The following NSD1 variants were observed in gnomAD, a reference collection of about 807,000 sequenced individuals.
NSD1 encodes histone-lysine N-methyltransferase, H3 lysine-36 specific.
In NSD1, 26 loss-of-function variants were observed where a neutral mutation model predicts 242.7. The ratio of observed to expected loss-of-function variants is 0.11; its 90% confidence interval spans 0.08 to 0.15. The LOEUF is 0.15. NSD1 is among the 10% of genes least tolerant of loss of function. The probability of loss-of-function intolerance (pLI) is 1.00; values close to 1 mark genes in which losing one functional copy is unlikely to be tolerated. For missense variants in NSD1, 2,495 were observed against 3,272.8 expected, an observed-to-expected ratio of 0.76 and a Z score of 5.80; for synonymous variants, 1,106 against 1,178.1, an observed-to-expected ratio of 0.94 and a Z score of 1.25.
intron 14 of NSD1, chr5:177,265,490 A>AGG (rs1757348012): frequency 1.6e-6 from 1 of 636,066 alleles, no homozygotes; most frequent in Non-Finnish European, 2.8e-6. Context: ...GGAGGGAGGG[A>AGG]GAGAGAGAGG....
intron 8 of NSD1, among the ~76,000 whole-genome samples, chr5:177,242,085 ATG>A (rs143218417): frequency 2.0e-5 from 3 of 150,844 alleles, no homozygotes; most frequent in Non-Finnish European, 3.0e-5. Flanking sequence ...GTGTGTGTGC[ATG>A]TGTGTGTGTG....
chr5:177,135,688 T>C lies in NSD1; in HGVS notation c.585T>C (p.Tyr195=). 1.9e-6 allele frequency: 3 copies of C among 1,614,208 alleles called. No homozygotes were observed. The highest frequency in any genetic ancestry group is 8.5e-7 in the Non-Finnish European group (1 of 1,180,042). Residue 195 remains tyrosine, a synonymous_variant, in exon 2 of 23, where the codon TAT becomes TAC. Coordinates refer to ENST00000439151, the MANE Select transcript of NSD1 (RefSeq NM_022455.5). ...CTCAGACCAATGCCACCTGCAATTA[T>C]GAGACTAAATCAGAGAATGGTGTAA... is the stretch of plus-strand genomic sequence containing the variant. The part of the protein sequence containing the change: ...EETQTNATCN[Y]ETKSENGVKV...
intron 2 of NSD1, among the ~76,000 whole-genome samples, chr5:177,177,976 C>A (rs1329004028): frequency 3.3e-5 from 5 of 152,160 alleles, no homozygotes; most frequent in Non-Finnish European, 7.3e-5. Context: ...CTCACTGCAA[C>A]CTCCACCTTC....
At chr5:177,266,964 A>T (rs201989649) in intron 14 of NSD1, among the ~76,000 whole-genome samples, 2 of 152,182 alleles carry the variant, frequency 1.3e-5, no homozygotes, top group East Asian at 3.8e-4. Flanking sequence ...TCCCAGGTTC[A>T]AGCAATTCTC....
chr5:177,289,858 C>T (rs554487290), intron 21 of NSD1, among the ~76,000 whole-genome samples: 18 of 148,500 alleles, frequency 1.2e-4, no homozygotes, highest in African/African-American at 2.0e-4. Context: ...GGTGGAGTCT[C>T]GCTCTGTTGC....
Position 177,298,627 on chromosome 5 carries a change from T to C in NSD1, c.*3168T>C, listed in dbSNP as rs541130386. ...ACCAAATCTTTAGCATTGATGAAAA[T>C]AGTTATTTTATTCTTTACATCCTTC... On this transcript the variant is annotated 3_prime_UTR_variant, in exon 23 of 23. Coordinates refer to ENST00000439151, the MANE Select transcript of NSD1 (RefSeq NM_022455.5). 1 of 233,228 alleles carries C rather than the reference T, an allele frequency of 4.3e-6. No homozygotes were observed. Among genetic ancestry groups the C allele is most frequent in the East Asian group, 6.0e-5 (1 of 16,594 alleles). 14.4% of individuals were successfully genotyped at this position (233,228 alleles called of 1,614,324 possible). A position where few individuals can be genotyped will look rare whatever the true frequency, so the allele number is the denominator to read the frequency against.
chr5:177,167,127 A>G (rs1315636231), intron 2 of NSD1, among the ~76,000 whole-genome samples: 2 of 152,170 alleles, frequency 1.3e-5, no homozygotes, highest in Admixed American at 1.3e-4. Context: ...TCTCAGTACC[A>G]TGTGTTGAAG....
chr5:177,233,000 G>A (rs1765172582), intron 5 of NSD1, among the ~76,000 whole-genome samples: 1 of 152,204 alleles, frequency 6.6e-6, no homozygotes, highest in Non-Finnish European at 1.5e-5. Context: ...AATTAAGCAG[G>A]CATGTGTAAG....
rs763697978 is a variant in NSD1, at chr5:177,248,303, A to C, written c.4620A>C (p.Ala1540=). 6.2e-7 allele frequency: 1 copy of C among 1,613,792 alleles called. No homozygotes were observed. The highest frequency in any genetic ancestry group is 1.1e-5 in the South Asian group (1 of 91,012). The change falls in exon 11 of 23, where the codon GCA becomes GCC. Residue 1540 remains alanine, a synonymous_variant. Transcript: ENST00000439151. ...KMQGERGGGA[A]LKENVCQNCE... ...AGGGTGAACGCGGTGGAGGAGCTGC[A>C]CTCAAGGAGAATGTCTGTCAGGTAG...
At chr5:177,190,579 T>C (rs1387281034) in intron 2 of NSD1, among the ~76,000 whole-genome samples, 1 of 152,146 alleles carries the variant, frequency 6.6e-6, no homozygotes, top group African/African-American at 2.4e-5. Flanking sequence ...TGTGAGCCAC[T>C]GTGCCTGGCC....
chr5:177,145,262 GCATGTAA>G (rs1045829538), intron 2 of NSD1, among the ~76,000 whole-genome samples: 1 of 151,168 alleles, frequency 6.6e-6, no homozygotes, highest in Non-Finnish European at 1.5e-5. Context: ...TTTCATATGA[GCATGTAA>G]CATGTAACAA....
chr5:177,236,364 TA>T (rs1272431467), intron 6 of NSD1, among the ~76,000 whole-genome samples: 4 of 152,156 alleles, frequency 2.6e-5, no homozygotes, highest in African/African-American at 7.2e-5. Context: ...AATATGTAGT[TA>T]AAAAATGGAA....
chr5:177,280,522 T>C (rs1380873826), intron 17 of NSD1, 43 bp from the exon 18 acceptor site: 1 of 1,614,022 alleles, frequency 6.2e-7, no homozygotes, highest in Non-Finnish European at 8.5e-7. Flanking sequence ...AATTGTCTTC[T>C]GCTGACTTGT....
rs994107188 is a variant in NSD1, at chr5:177,200,093, G to GT, written c.1064-4017dup. ...AAAATAGACAAAACATAAATTTAAT[G>GT]TTTTTTTTTTGTTTTGTTTTGTTGA... is the stretch of plus-strand genomic sequence containing the variant. On this transcript the variant is annotated intron_variant, in intron 3 of 22. Transcript: ENST00000439151. Among the ~76,000 whole-genome samples, 326 of 148,492 alleles carry GT rather than the reference G, an allele frequency of 2.2e-3. 1 individual carries two copies. Among genetic ancestry groups the GT allele is most frequent in the Middle Eastern group, 0.01 (3 of 290 alleles).
chr5:177,211,809 T>C lies in NSD1; in HGVS notation c.3410T>C (p.Leu1137Pro), dbSNP rs1437244000. The change falls in exon 5 of 23, where the codon CTG (leucine) becomes CCG (proline). Residue 1137 changes from leucine (L) to proline (P), a missense_variant. Transcript: ENST00000439151. ...LSFENGKGPE[L>P]DSVMNSENDE... ...TTTGAAAACGGAAAAGGCCCAGAGC[T>C]GGACTCTGTAATGAACAGTGAGAAT... 1 of 1,614,192 alleles carries C rather than the reference T, an allele frequency of 6.2e-7. No homozygotes were observed. Among genetic ancestry groups the C allele is most frequent in the Non-Finnish European group, 8.5e-7 (1 of 1,180,032 alleles).
At chr5:177,252,097 GC>G (rs1269964043) in intron 12 of NSD1, among the ~76,000 whole-genome samples, 1 of 152,190 alleles carries the variant, frequency 6.6e-6, no homozygotes, top group African/African-American at 2.4e-5. Flanking sequence ...GCAAAGATGA[GC>G]TGATGCCATA....
Position 177,210,686 on chromosome 5 carries a change from A to G in NSD1, c.2287A>G (p.Ser763Gly), listed in dbSNP as rs1424996648. ...PKFNLSSSIS[S>G]ENSLIKGGAA... ...ATTCAACCTGTCATCAAGCATATCC[A>G]GTGAGAACTCGTTAATAAAGGGTGG... The change falls in exon 5 of 23, where the codon AGT (serine) becomes GGT (glycine). Residue 763 changes from serine (S) to glycine (G), a missense_variant. Ser to Gly is a moderately conservative substitution (Grantham distance 56). Around this residue, in one of 19 missense-constraint regions of NSD1, gnomAD observed 515 missense variants for 467.0 expected, o/e 1.10. Transcript: ENST00000439151. 1 of 1,614,220 alleles carries G rather than the reference A, an allele frequency of 6.2e-7. No individual in the cohort carries two copies. Among genetic ancestry groups the G allele is most frequent in the South Asian group, 1.1e-5 (1 of 91,086 alleles).
At chr5:177,185,767 AT>A (rs1194963716) in intron 2 of NSD1, among the ~76,000 whole-genome samples, 117 of 75,784 alleles carry the variant, frequency 1.5e-3, no homozygotes, top group East Asian at 8.7e-3. Context: ...TATTTTATAT[AT>A]TTATATATTA....
intron 15 of NSD1, among the ~76,000 whole-genome samples, chr5:177,268,689 A>G (rs1428961285): frequency 6.6e-6 from 1 of 151,982 alleles, no homozygotes; most frequent in African/African-American, 2.4e-5. Context: ...TAGGTTTTTC[A>G]TTCCTTCGCC....
Sources: allele counts gnomAD v4.1 joint callset (sites outside exome capture counted in the v4.1 genomes callset), GRCh38; gene constraint gnomAD v4.1.1; regional missense constraint gnomAD v4.1.1; transcripts MANE v1.5; gene names NCBI Gene and HGNC (gene_info 2026-07-23, HGNC 2026-07-21).